SLIT3: variants seen among roughly 807,000 people sequenced by gnomAD.
SLIT3 encodes the protein slit homolog 3 protein.
A neutral mutation model predicts 184.0 loss-of-function variants in SLIT3; 68 were observed. The observed-to-expected ratio is 0.37, with a 90% confidence interval of 0.30 to 0.45. The LOEUF (loss-of-function observed/expected upper bound fraction) is 0.45. SLIT3 is among the 20% of genes least tolerant of loss of function. The pLI is 1.00. For missense variants in SLIT3, 1,707 were observed against 2,026.0 expected (o/e 0.84, Z 3.02); for synonymous variants, 831 against 828.6 (o/e 1.00, Z -0.05).
intron 8 of SLIT3, among the ~76,000 whole-genome samples, chr5:168,813,197 C>A (rs1757219503): frequency 6.6e-6 from 1 of 151,912 alleles, no homozygotes; most frequent in African/African-American, 2.4e-5. Flanking sequence ...AACTAATAAC[C>A]TTGAATTACA....
chr5:169,153,114 G>A (rs1246321956), intron 4 of SLIT3, among the ~76,000 whole-genome samples: 1 of 152,072 alleles, frequency 6.6e-6, no homozygotes, highest in African/African-American at 2.4e-5. Flanking sequence ...ACATCACTTC[G>A]GCTGACGTGG....
At chr5:169,090,645 A>G (rs1759544590) in intron 4 of SLIT3, among the ~76,000 whole-genome samples, 1 of 152,360 alleles carries the variant, frequency 6.6e-6, no homozygotes, top group African/African-American at 2.4e-5. Context: ...AGACGTGTTA[A>G]GGATCTTGAA....
intron 4 of SLIT3, among the ~76,000 whole-genome samples, chr5:169,171,792 A>G (rs1762828936): frequency 6.6e-6 from 1 of 152,214 alleles, no homozygotes; most frequent in African/African-American, 2.4e-5. Flanking sequence ...CTAGAGGAAA[A>G]TGGGGTGGGG....
At chr5:169,007,721 G>A (rs1297743279) in intron 4 of SLIT3, among the ~76,000 whole-genome samples, 3 of 152,142 alleles carry the variant, frequency 2.0e-5, no homozygotes, top group Admixed American at 6.5e-5. Flanking sequence ...GTTTCTTCCC[G>A]AGAGTAATCA....
chr5:168,728,543 C>G (rs1178828429), intron 20 of SLIT3, among the ~76,000 whole-genome samples: 1 of 151,948 alleles, frequency 6.6e-6, no homozygotes, highest in African/African-American at 2.4e-5. Flanking sequence ...CAAGAGAAAT[C>G]TGAAAACCAA....
chr5:168,707,841 T>C (rs1762421180), intron 26 of SLIT3, 135 bp downstream of exon 26: 1 of 1,049,114 alleles, frequency 9.5e-7, no homozygotes, highest in Admixed American at 2.5e-5. Flanking sequence ...TTTGGAGTGG[T>C]GACCTGTGCG....
chr5:168,689,258 C>T (rs529696838), intron 29 of SLIT3, among the ~76,000 whole-genome samples: 3 of 152,348 alleles, frequency 2.0e-5, no homozygotes, highest in East Asian at 1.9e-4. Flanking sequence ...TCTCCATCAA[C>T]TAAAGAGAGG....
chr5:168,978,654 G>A (rs555136831), intron 4 of SLIT3, among the ~76,000 whole-genome samples: 5 of 152,278 alleles, frequency 3.3e-5, no homozygotes, highest in Admixed American at 2.0e-4. Context: ...ATGGAAGAAG[G>A]TCAAAGATTA....
At chr5:169,090,244 G>A (rs1274783555) in intron 4 of SLIT3, among the ~76,000 whole-genome samples, 1 of 152,046 alleles carries the variant, frequency 6.6e-6, no homozygotes, top group Admixed American at 6.6e-5. Context: ...AGGGGAGGAG[G>A]GAGGAAAAGA....
At chr5:169,156,184 T>C (rs996809357) in intron 4 of SLIT3, among the ~76,000 whole-genome samples, 4 of 152,160 alleles carry the variant, frequency 2.6e-5, no homozygotes, top group African/African-American at 9.7e-5. Flanking sequence ...TCCTAACTGG[T>C]AAAGAGAAAA....
At chr5:168,782,502 A>G (rs1246720758) in intron 12 of SLIT3, among the ~76,000 whole-genome samples, 1 of 152,168 alleles carries the variant, frequency 6.6e-6, no homozygotes, top group African/African-American at 2.4e-5. Flanking sequence ...CTGCCCATAG[A>G]GGATCACCAT....
At chr5:168,810,284 G>A (rs1757118549) in intron 8 of SLIT3, among the ~76,000 whole-genome samples, 3 of 152,238 alleles carry the variant, frequency 2.0e-5, no homozygotes, top group Admixed American at 6.5e-5. Flanking sequence ...GCATCTGTCT[G>A]CATGCACATG....
chr5:169,069,524 C>G (rs2055911), intron 4 of SLIT3, among the ~76,000 whole-genome samples: 2 of 152,050 alleles, frequency 1.3e-5, no homozygotes, highest in Non-Finnish European at 2.9e-5. Context: ...CCCTGGGTGC[C>G]GAGGGAACTC....
intron 1 of SLIT3, among the ~76,000 whole-genome samples, chr5:169,272,863 C>A (rs1158145202): frequency 6.6e-6 from 1 of 152,178 alleles, no homozygotes; most frequent in African/African-American, 2.4e-5. Flanking sequence ...CGCGCAAGCA[C>A]CAGCCCTTTC....
chr5:168,685,969 C>T (rs758014553), intron 30 of SLIT3, 42 bp from the exon 31 acceptor site: 24 of 1,562,620 alleles, frequency 1.5e-5, no homozygotes, highest in Non-Finnish European at 1.8e-5. Context: ...AGGAGAATGG[C>T]CAAGAGGAGA....
intron 12 of SLIT3, among the ~76,000 whole-genome samples, chr5:168,776,930 A>T (rs895690527): frequency 6.6e-6 from 1 of 152,198 alleles, no homozygotes; most frequent in South Asian, 2.1e-4. Flanking sequence ...ACACTGAACT[A>T]TTCAGTACAC....
At chr5:169,126,896 A>G (rs1027752395) in intron 4 of SLIT3, among the ~76,000 whole-genome samples, 1 of 149,552 alleles carries the variant, frequency 6.7e-6, no homozygotes, top group African/African-American at 2.5e-5. Context: ...CCCATGATCC[A>G]TTAGTCACTC....
chr5:168,861,454 G>C (rs926836047), intron 5 of SLIT3, among the ~76,000 whole-genome samples: 3 of 136,882 alleles, frequency 2.2e-5, no homozygotes, highest in Admixed American at 8.0e-5. Flanking sequence ...AGGCAGCAAG[G>C]CTGGCTGCAG....
At chr5:169,144,923 T>C (rs1761878100) in intron 4 of SLIT3, among the ~76,000 whole-genome samples, 1 of 152,202 alleles carries the variant, frequency 6.6e-6, no homozygotes, top group Admixed American at 6.5e-5. Flanking sequence ...CCACCTTCCT[T>C]AATCTGCCAG....
Sources: gnomAD v4.1 joint callset for allele counts (sites outside exome capture counted in the v4.1 genomes callset) on GRCh38, gnomAD v4.1.1 for gene constraint, MANE v1.5 for transcripts, NCBI Gene and HGNC (gene_info 2026-07-23, HGNC 2026-07-21) for gene names.